The following AGBL1 variants were observed in gnomAD, a reference collection of about 807,000 sequenced individuals.
The protein encoded by AGBL1 is AGBL carboxypeptidase 1, also known as cytosolic carboxypeptidase 4.
In AGBL1, 130 loss-of-function variants were observed where a neutral mutation model predicts 118.9. That is an observed-to-expected ratio of 1.09 (90% CI 0.95 to 1.26). AGBL1 has a LOEUF of 1.26. Among genes scored for constraint, AGBL1 ranks in the 50% most tolerant of loss-of-function variants. The pLI, the probability that AGBL1 is intolerant of heterozygous loss-of-function variation, is 0.00. For missense variants in AGBL1, 1,584 were observed against 1,298.1 expected (o/e 1.22, Z -3.38); for synonymous variants, 555 against 478.9 (o/e 1.16, Z -2.08).
At chr15:86,171,672 A>T (rs578059109) in intron 5 of AGBL1, among the ~76,000 whole-genome samples, 1 of 152,306 alleles carries the variant, frequency 6.6e-6, no homozygotes, top group African/African-American at 2.4e-5. Context: ...CTCCACTCAG[A>T]TGTCAATGTT....
intron 5 of AGBL1, among the ~76,000 whole-genome samples, chr15:86,217,769 T>A (rs896336024): frequency 6.6e-6 from 1 of 152,050 alleles, no homozygotes; most frequent in Non-Finnish European, 1.5e-5. Flanking sequence ...CAAGAGAAAG[T>A]GGTGTGGGAC....
At chr15:86,133,724 G>A (rs2076849023) in intron 1 of AGBL1, among the ~76,000 whole-genome samples, 2 of 152,290 alleles carry the variant, frequency 1.3e-5, no homozygotes, top group South Asian at 4.1e-4. Context: ...TCAATGTGTG[G>A]TTGGGACATT....
chr15:86,355,920 A>T (rs2080707516), intron 17 of AGBL1, among the ~76,000 whole-genome samples: 1 of 152,124 alleles, frequency 6.6e-6, no homozygotes, highest in South Asian at 2.1e-4. Context: ...AAACATCCTG[A>T]TTATAAGAAT....
At chr15:86,405,296 G>C (rs902306914) in intron 18 of AGBL1, among the ~76,000 whole-genome samples, 7 of 151,930 alleles carry the variant, frequency 4.6e-5, no homozygotes, top group Non-Finnish European at 8.8e-5. Context: ...CAGATCACGA[G>C]GTCAGGAGAT....
At chr15:86,536,269 T>G in intron 19 of AGBL1, among the ~76,000 whole-genome samples, 1 of 152,224 alleles carries the variant, frequency 6.6e-6, no homozygotes, top group East Asian at 1.9e-4. Context: ...GTGTCTTCAA[T>G]GTAGTTTCTG....
At chr15:86,685,706 C>G (rs981370309) in intron 22 of AGBL1, among the ~76,000 whole-genome samples, 17 of 152,140 alleles carry the variant, frequency 1.1e-4, no homozygotes, top group Non-Finnish European at 2.4e-4. Flanking sequence ...GTTTATGATG[C>G]TAAATGTTTG....
chr15:86,280,511 C>A (rs79855753), intron 16 of AGBL1, among the ~76,000 whole-genome samples: 285 of 152,324 alleles, frequency 1.9e-3, no homozygotes, highest in African/African-American at 6.5e-3. Context: ...GGCAAACTAA[C>A]CCTTACTGCT....
rs1187825087 is a variant in AGBL1 at position 86,250,341 on chromosome 15, A to G, written c.735+2462A>G. Among the ~76,000 whole-genome samples the G allele has an allele frequency of 2.0e-5, 3 of 152,036 alleles. No individual in the cohort carries two copies. In the East Asian group the frequency reaches 5.8e-4, roughly 30 times the overall value. ...GGAGTTCAAGACTAGCCTGGCCAAC[A>G]TGGCAAAACCCCATCTCTACTAAAA... On this transcript the variant is annotated intron_variant, in intron 7 of 22. Transcript: ENST00000614907.
chr15:86,797,655 G>C (rs2078591865), intron 22 of AGBL1, among the ~76,000 whole-genome samples: 2 of 152,106 alleles, frequency 1.3e-5, no homozygotes, highest in Non-Finnish European at 2.9e-5. Flanking sequence ...ATGACAGAGT[G>C]TCTGCAGGAA....
intron 19 of AGBL1, among the ~76,000 whole-genome samples, chr15:86,525,174 G>T (rs1250884459): frequency 6.6e-6 from 1 of 151,178 alleles, no homozygotes; most frequent in Non-Finnish European, 1.5e-5. Context: ...AAAATACCCA[G>T]GAATATATTT....
Position 86,239,525 on chromosome 15 carries a change from G to A in AGBL1, c.527-8146G>A, listed in dbSNP as rs145965900. ...GTTGATTCCACCTCTCTTCAATGGT[G>A]CCGCACTCACACCTGGGCCTGACAT... is the stretch of plus-strand genomic sequence containing the variant. On this transcript the variant is annotated intron_variant, in intron 6 of 22. Transcript: ENST00000614907. Among the ~76,000 whole-genome samples the A allele has an allele frequency of 8.0e-3, 1,215 of 152,196 alleles. 13 individuals are homozygous for A. Among genetic ancestry groups the A allele is most frequent in the Non-Finnish European group, 8.7e-3 (592 of 67,996 alleles).
intron 3 of AGBL1, among the ~76,000 whole-genome samples, chr15:86,148,268 A>C (rs1487312522): frequency 2.0e-5 from 3 of 152,192 alleles, no homozygotes; most frequent in Non-Finnish European, 4.4e-5. Context: ...ACAAAATTGG[A>C]TGGAGAATGA....
At chr15:86,644,039 G>A (rs887342157) in intron 21 of AGBL1, among the ~76,000 whole-genome samples, 11 of 151,932 alleles carry the variant, frequency 7.2e-5, no homozygotes, top group Non-Finnish European at 1.3e-4. Flanking sequence ...ACTATTCTTT[G>A]GAGACTTAAA....
rs147152837 is a variant in AGBL1, at chr15:86,334,357, CATTTCT to C, written c.2374+38952_2374+38957del. 6.3e-3 allele frequency among the ~76,000 whole-genome samples: 966 copies of C among 152,260 alleles called. 73 individuals carry two copies. The East Asian group carries it at 0.15, about 24-fold the overall frequency. ...AAAATCAATGTACAAAAATCAGTAG[CATTTCT>C]ATACATCAATAACATTCAAACTGAG... On this transcript the variant is annotated intron_variant, in intron 17 of 22. Coordinates refer to ENST00000614907, the MANE Select transcript of AGBL1 (RefSeq NM_001386094.1).
chr15:86,406,930 T>C (rs755652112), intron 18 of AGBL1, among the ~76,000 whole-genome samples: 11 of 152,190 alleles, frequency 7.2e-5, no homozygotes, highest in Non-Finnish European at 1.5e-4. Context: ...GCATTTTTTC[T>C]GGTTATTTTC....
At chr15:86,360,987 C>G (rs1210219987) in intron 17 of AGBL1, among the ~76,000 whole-genome samples, 1 of 151,550 alleles carries the variant, frequency 6.6e-6, no homozygotes, top group African/African-American at 2.4e-5. Flanking sequence ...TATTTCTGCT[C>G]TAATATTTAT....
intron 23 of AGBL1, among the ~76,000 whole-genome samples, chr15:86,967,376 G>C (rs1167321072): frequency 1.3e-5 from 2 of 151,984 alleles, no homozygotes; most frequent in Admixed American, 1.3e-4. Flanking sequence ...ATTGCTTTTG[G>C]TGTTTTAGAC....
intron 23 of AGBL1, among the ~76,000 whole-genome samples, chr15:86,924,794 G>A (rs2080514010): frequency 6.6e-6 from 1 of 152,042 alleles, no homozygotes; most frequent in Non-Finnish European, 1.5e-5. Flanking sequence ...TCACCTGGGT[G>A]ATCAGGTGCG....
rs149408330 is a variant in AGBL1 at position 86,853,893 on chromosome 15, T to A, written c.3159-53194T>A. 4.3e-4 allele frequency among the ~76,000 whole-genome samples: 65 copies of A among 152,284 alleles called. 1 individual carries two copies. In the East Asian group the frequency reaches 0.012, roughly 28 times the overall value. ...ACCTTACTGGGTCTCCGTGTTTTTT[T>A]AATTAGTCACTTAGAGATAATAATT... On this transcript the variant is annotated intron_variant, in intron 22 of 22. Transcript: ENST00000614907.
Sources: allele counts gnomAD v4.1 joint callset (sites outside exome capture counted in the v4.1 genomes callset), GRCh38; gene constraint gnomAD v4.1.1; transcripts MANE v1.5; gene names NCBI Gene and HGNC (gene_info 2026-07-23, HGNC 2026-07-21).